The following CDO1 variants were observed in gnomAD, a reference collection of about 807,000 sequenced individuals.
CDO1 encodes the protein cysteine dioxygenase, type I.
Under a neutral mutation model 24.5 loss-of-function variants are expected in CDO1, and 19 were observed. That is an observed-to-expected ratio of 0.77 (90% CI 0.54 to 1.14). The LOEUF (loss-of-function observed/expected upper bound fraction) is 1.14. Among genes scored for constraint, CDO1 ranks in the 50% most tolerant of loss-of-function variants. The pLI is 0.00. For missense variants in CDO1, 244 were observed against 244.8 expected, an observed-to-expected ratio of 1.00 and a Z score of 0.02; for synonymous variants, 91 against 87.0, an observed-to-expected ratio of 1.05 and a Z score of -0.26.
At chr5:115,805,850 A>G (rs7721361) in intron 4 of CDO1, among the ~76,000 whole-genome samples, 10,692 of 152,274 alleles carry the variant, frequency 0.07, 436 homozygotes, top group Non-Finnish European at 0.093. Flanking sequence ...TTTTATTTTT[A>G]GTAGGAAATG....
At chr5:115,808,761 G>T (rs145260269) in intron 3 of CDO1, among the ~76,000 whole-genome samples, 1 of 151,644 alleles carries the variant, frequency 6.6e-6, no homozygotes, top group African/African-American at 2.4e-5. Flanking sequence ...AAAACGAGAT[G>T]AAATACTCAA....
In CDO1 at chr5:115,816,594, C is replaced by G; in HGVS notation, c.-197G>C. ...CAGCAAGAGACCCACCCCCAGGCCC[C>G]TGGCAGCGCAGTGGATCCGGGATCG... is the stretch of plus-strand genomic sequence containing the variant. On this transcript the variant is annotated 5_prime_UTR_variant, in exon 1 of 5. Coordinates refer to ENST00000250535, the MANE Select transcript of CDO1 (RefSeq NM_001801.3). 1 of 604,220 alleles carries G rather than the reference C, an allele frequency of 1.7e-6. No homozygotes were observed. The highest frequency in any genetic ancestry group is 2.9e-6 in the Non-Finnish European group (1 of 343,754). The allele number at this position is 604,220 out of a possible 1,614,324, so 37.4% of individuals were successfully genotyped here.
chr5:115,811,370 T>C (rs765766178), intron 2 of CDO1, 55 bp from the exon 3 acceptor site: 29 of 1,334,900 alleles, frequency 2.2e-5, no homozygotes, highest in Non-Finnish European at 2.9e-5. Flanking sequence ...TATCCAGACC[T>C]GCAGTAACAG....
rs535018448 is a variant in CDO1, at chr5:115,814,713, T to C, written c.171-1455A>G. 2.6e-5 allele frequency among the ~76,000 whole-genome samples: 4 copies of C among 152,328 alleles called. 1 individual carries two copies. The highest frequency in any genetic ancestry group is 9.6e-5 in the African/African-American group (4 of 41,564). ...GTTCTAAAGATTAAAGATTAAAAAC[T>C]GTTACAACCTGTCCTGGTTTAACAG... On this transcript the variant is annotated intron_variant, in intron 1 of 4. Transcript: ENST00000250535.
chr5:115,812,891 T>C (rs1181381870), intron 2 of CDO1, among the ~76,000 whole-genome samples: 1 of 151,450 alleles, frequency 6.6e-6, no homozygotes, highest in Non-Finnish European at 1.5e-5. Context: ...CTACTAAAAA[T>C]ACAAAATTAG....
At chr5:115,812,436 TA>T (rs772912481) in intron 2 of CDO1, among the ~76,000 whole-genome samples, 84 of 152,332 alleles carry the variant, frequency 5.5e-4, no homozygotes, top group Non-Finnish European at 7.6e-4. Flanking sequence ...GTAAAGAAAC[TA>T]AAGAATTAAC....
At chr5:115,809,073 T>C (rs895543158) in intron 3 of CDO1, among the ~76,000 whole-genome samples, 6 of 152,196 alleles carry the variant, frequency 3.9e-5, no homozygotes, top group African/African-American at 1.4e-4. Flanking sequence ...TCCTGTAGCT[T>C]GTTGTGTTCA....
Position 115,816,125 on chromosome 5 carries a change from C to T in CDO1, c.170+103G>A, listed in dbSNP as rs953671287. ...GGCGAGCGGCGGACGCAGCGCGGCC[C>T]GAGCTTCCCGAGCCAGTCACTTTGG... On this transcript the variant is annotated intron_variant, in intron 1 of 4. Coordinates refer to ENST00000250535, the MANE Select transcript of CDO1 (RefSeq NM_001801.3). 5 of 1,246,788 alleles carry T rather than the reference C, an allele frequency of 4.0e-6. No individual in the cohort carries two copies. The South Asian group carries it at 5.9e-5, about 15-fold the overall frequency. 77.2% of individuals were successfully genotyped at this position (1,246,788 alleles called of 1,614,324 possible).
chr5:115,807,636 C>CA (rs1475291373), intron 3 of CDO1, among the ~76,000 whole-genome samples: 1 of 130,510 alleles, frequency 7.7e-6, no homozygotes, highest in Non-Finnish European at 1.6e-5. Context: ...GAGGAAGACT[C>CA]AAAGAACAAA....
At chr5:115,806,244 T>C (rs1371035723) in intron 4 of CDO1, 105 bp downstream of exon 4, 12 of 622,228 alleles carry the variant, frequency 1.9e-5, no homozygotes, top group Admixed American at 3.6e-5. Context: ...AATCAAGATA[T>C]ATTGGGCCTT....
Position 115,816,302 on chromosome 5 carries a change from C to T in CDO1, c.96G>A (p.Glu32=). ...CGTAGGCTTCCATGATGGCCTGCAC[C>T]TCCTCTACATTGACCTCATCGCCGG... ...LFAGDEVNVE[E]VQAIMEAYES... The change falls in exon 1 of 5, where the codon GAG becomes GAA. Residue 32 remains glutamate (E), a synonymous_variant. Transcript: ENST00000250535. 1.2e-6 allele frequency: 2 copies of T among 1,614,166 alleles called. No homozygotes were observed. Among genetic ancestry groups the T allele is most frequent in the Non-Finnish European group, 1.7e-6 (2 of 1,180,026 alleles).
chr5:115,810,676 A>C (rs764305560), intron 3 of CDO1, among the ~76,000 whole-genome samples: 11 of 152,240 alleles, frequency 7.2e-5, no homozygotes, highest in Non-Finnish European at 1.5e-4. Context: ...AGAAAAGATA[A>C]GGAATTCTTG....
intron 4 of CDO1, 131 bp downstream of exon 4, chr5:115,806,218 T>C: frequency 2.0e-6 from 1 of 491,624 alleles, no homozygotes; most frequent in East Asian, 3.5e-5. Flanking sequence ...AGATAGTCGC[T>C]AAAGTTAAAT....
chr5:115,816,539 T>G lies in CDO1; in HGVS notation c.-142A>C. ...CACACGCACAAACCCAGCATTAGAG[T>G]GCCGAAACGTAAGGATGTCGTCGCA... is the stretch of plus-strand genomic sequence containing the variant. On this transcript the variant is annotated 5_prime_UTR_variant, in exon 1 of 5. Coordinates refer to ENST00000250535, the MANE Select transcript of CDO1 (RefSeq NM_001801.3). The G allele has an allele frequency of 1.1e-6, 1 of 881,854 alleles. No individual in the cohort carries two copies. Among genetic ancestry groups the G allele is most frequent in the Non-Finnish European group, 1.8e-6 (1 of 569,186 alleles). The allele number at this position is 881,854 out of a possible 1,614,324, so 54.6% of individuals were successfully genotyped here.
Position 115,805,219 on chromosome 5 carries a change from C to G in CDO1, c.*214G>C. 2.0e-6 allele frequency: 1 copy of G among 487,940 alleles called. No individual in the cohort carries two copies. The highest frequency in any genetic ancestry group is 3.6e-6 in the Non-Finnish European group (1 of 275,694). The allele number at this position is 487,940 out of a possible 1,614,324, so 30.2% of individuals were successfully genotyped here. A position where few individuals can be genotyped will look rare whatever the true frequency, so the allele number is the denominator to read the frequency against. ...CTTGAAAACTTGCCTTTAAAAATCA[C>G]AAGACTTTCTTTTCCTCAGTGGGAC... On this transcript the variant is annotated 3_prime_UTR_variant, in exon 5 of 5. Coordinates refer to ENST00000250535, the MANE Select transcript of CDO1 (RefSeq NM_001801.3).
intron 4 of CDO1, among the ~76,000 whole-genome samples, 192 bp from the exon 5 acceptor site, chr5:115,805,654 A>C (rs534034544): frequency 6.6e-6 from 1 of 152,310 alleles, no homozygotes; most frequent in East Asian, 1.9e-4. Flanking sequence ...GCGGAGCGAT[A>C]ATGAGAAAAT....
At chr5:115,815,926 T>G (rs1760412980) in intron 1 of CDO1, among the ~76,000 whole-genome samples, 1 of 152,218 alleles carries the variant, frequency 6.6e-6, no homozygotes, top group African/African-American at 2.4e-5. Context: ...CAGAGGGGTT[T>G]GCGGGAGAGA....
At chr5:115,808,881 C>A (rs1032596775) in intron 3 of CDO1, among the ~76,000 whole-genome samples, 30 of 152,176 alleles carry the variant, frequency 2.0e-4, no homozygotes, top group African/African-American at 7.2e-4. Flanking sequence ...GTGCTTTCTT[C>A]TTTATGATCT....
chr5:115,811,276 C>T lies in CDO1; in HGVS notation c.288G>A (p.Lys96=), dbSNP rs956030075. The part of the protein sequence containing the change: ...HDHTNSHCFL[K]MLQGNLKETL... Reference sequence around the variant, plus strand: ...TCTCCTTTAGATTTCCCTGTAGCATCTTCAGAAAGCAGTGGGAGTTGGTAT... The same window carrying T: ...TCTCCTTTAGATTTCCCTGTAGCATTTTCAGAAAGCAGTGGGAGTTGGTAT... Residue 96 remains lysine, a synonymous_variant, in exon 3 of 5, where the codon AAG becomes AAA. Coordinates refer to ENST00000250535, the MANE Select transcript of CDO1 (RefSeq NM_001801.3). 2.5e-6 allele frequency: 4 copies of T among 1,613,172 alleles called. No individual in the cohort carries two copies. In the African/African-American group the frequency reaches 5.3e-5, roughly 22 times the overall value.
Sources: gnomAD v4.1 joint callset for allele counts (sites outside exome capture counted in the v4.1 genomes callset) on GRCh38, gnomAD v4.1.1 for gene constraint, MANE v1.5 for transcripts, NCBI Gene and HGNC (gene_info 2026-07-23, HGNC 2026-07-21) for gene names.